The following STK36 variants were observed in gnomAD, a reference collection of about 807,000 sequenced individuals.
The protein encoded by STK36 is serine/threonine kinase 36.
STK36 carries 116 observed loss-of-function variants against 142.2 expected under a neutral mutation model. The observed-to-expected ratio is 0.82, with a 90% CI of 0.70 to 0.95. The LOEUF (loss-of-function observed/expected upper bound fraction) is 0.95. Among genes scored for constraint, STK36 ranks in the 40% least tolerant of loss-of-function variants. STK36 has a pLI of 0.00. For missense variants in STK36, 1,422 were observed against 1,617.2 expected, an observed-to-expected ratio of 0.88 and a Z score of 2.07; for synonymous variants, 619 against 641.7, an observed-to-expected ratio of 0.96 and a Z score of 0.53.
In STK36 at chr2:218,693,725, T is replaced by A; in HGVS notation, c.2151T>A (p.Val717=). 1.2e-6 allele frequency: 2 copies of A among 1,613,920 alleles called. No homozygotes were observed. The highest frequency in any genetic ancestry group is 1.7e-6 in the Non-Finnish European group (2 of 1,180,020). ...HPILCLHLLK[V]LYSCCLVSEG... is the part of the protein sequence containing the mutation. ...CAGACTCCTTCCTTCTCCCTCAGGT[T>A]CTATACTCCTGCTGCCTTGTCAGTG... The change falls in exon 18 of 27, where the codon GTT becomes GTA. Residue 717 remains valine (V), a splice_region_variant and synonymous_variant. Coordinates refer to ENST00000295709, the MANE Select transcript of STK36 (RefSeq NM_015690.5).
At chr2:218,675,289 G>T in intron 4 of STK36, 54 bp from the exon 5 acceptor site, 1 of 1,569,928 alleles carries the variant, frequency 6.4e-7, no homozygotes, top group Non-Finnish European at 8.7e-7. Flanking sequence ...GGGCTTGTCA[G>T]CCAGCTGCTG....
rs1941045780 is a variant in STK36 at position 218,692,512 on chromosome 2, G to A, written c.1916-71G>A. Reference sequence around the variant, plus strand: ...GTTCCCTACTCCTGCTGCCATGTCGGTGAGTACTGGTGCTATTGTCTAGGG... The same window carrying A: ...GTTCCCTACTCCTGCTGCCATGTCGATGAGTACTGGTGCTATTGTCTAGGG... On this transcript the variant is annotated intron_variant, in intron 15 of 26. Coordinates refer to ENST00000295709, the MANE Select transcript of STK36 (RefSeq NM_015690.5). The A allele has an allele frequency of 2.6e-6, 4 of 1,539,130 alleles. No individual in the cohort carries two copies. The South Asian group carries it at 3.8e-5, about 15-fold the overall frequency.
chr2:218,694,996 C>CT lies in STK36; in HGVS notation c.2511+362dup, dbSNP rs1165181371. On this transcript the variant is annotated intron_variant, in intron 21 of 26. Coordinates refer to ENST00000295709, the MANE Select transcript of STK36 (RefSeq NM_015690.5). This position sits in a 1 kb window ranked among gnomAD's most constrained non-coding sequence, Gnocchi z 4.4. Reference sequence around the variant, plus strand: ...TCCTTCCTAATGCATAATTTCACCTCTGACTGCAGCTTCCACTCTGCTTTC... The same window carrying CT: ...TCCTTCCTAATGCATAATTTCACCTCTTGACTGCAGCTTCCACTCTGCTTTC... Among the ~76,000 whole-genome samples the CT allele has an allele frequency of 6.6e-6, 1 of 152,172 alleles. No homozygotes were observed. Among genetic ancestry groups the CT allele is most frequent in the Non-Finnish European group, 1.5e-5 (1 of 68,026 alleles).
chr2:218,697,838 ACAT>A lies in STK36; in HGVS notation c.2910-15_2910-13del. On this transcript the variant is annotated splice_polypyrimidine_tract_variant and intron_variant, in intron 24 of 26. Coordinates refer to ENST00000295709, the MANE Select transcript of STK36 (RefSeq NM_015690.5). ...AAGTGAACAAGACCAAGTCTCTTCG[ACAT>A]TCCTCTCCTTAGGCCTCATGGGTCT... 6.2e-7 allele frequency: 1 copy of A among 1,614,134 alleles called. No individual in the cohort carries two copies. Among genetic ancestry groups the A allele is most frequent in the Non-Finnish European group, 8.5e-7 (1 of 1,179,998 alleles).
chr2:218,699,463 T>C, intron 26 of STK36, 115 bp downstream of exon 26: 1 of 1,447,950 alleles, frequency 6.9e-7, no homozygotes, highest in Non-Finnish European at 9.2e-7. Context: ...TTATGCCGTG[T>C]TTCTCCCAGG....
At chr2:218,677,155 A>G (rs1388780760) in intron 6 of STK36, among the ~76,000 whole-genome samples, 1 of 147,958 alleles carries the variant, frequency 6.8e-6, no homozygotes, top group East Asian at 2.0e-4. Context: ...CTGGTCTCGA[A>G]CTCCCAACCT....
chr2:218,677,867 T>G (rs1033402489), intron 6 of STK36, among the ~76,000 whole-genome samples: 15 of 152,220 alleles, frequency 9.9e-5, no homozygotes, highest in Non-Finnish European at 2.9e-5. Flanking sequence ...CTCGGCTCAC[T>G]GCAAGCTCCG....
At chr2:218,692,352 G>A (rs956128640) in intron 15 of STK36, 59 bp downstream of exon 15, 53 of 1,600,010 alleles carry the variant, frequency 3.3e-5, no homozygotes, top group South Asian at 1.1e-4. Context: ...GTCAGGCTCC[G>A]CTCTTTCTAT....
Position 218,697,093 on chromosome 2 carries a change from T to G in STK36, c.2641T>G (p.Leu881Val). Residue 881 changes from leucine to valine, a missense_variant, in exon 23 of 27, where the codon TTG becomes GTG. Transcript: ENST00000295709. ...DMSSSEMWTV[L>V]WHRFSMVLRL... ...GTCCAGTTCAGAAATGTGGACCGTT[T>G]TGTGGCACCGCTTCTCCATGGTCCT... The G allele has an allele frequency of 6.2e-7, 1 of 1,614,156 alleles. No homozygotes were observed.
At chr2:218,691,020 G>C (rs60580418) in intron 14 of STK36, among the ~76,000 whole-genome samples, 5,552 of 152,088 alleles carry the variant, frequency 0.037, 331 homozygotes, top group African/African-American at 0.13. Flanking sequence ...GCTTTAAGCA[G>C]TTTGGCATAT....
In STK36 at chr2:218,683,278, T is replaced by A. The variant is rs565771512; in HGVS notation, c.1237-1807T>A. Among the ~76,000 whole-genome samples the A allele has an allele frequency of 5.5e-3, 839 of 151,358 alleles. 14 individuals carry two copies. Among genetic ancestry groups the A allele is most frequent in the African/African-American group, 0.019 (794 of 41,256 alleles). On this transcript the variant is annotated intron_variant, in intron 10 of 26. Coordinates refer to ENST00000295709, the MANE Select transcript of STK36 (RefSeq NM_015690.5). ...TGTATGGCACCATGCCCAGCTATTTTTTTTTTTTTTTTTTAAGATGGAGTC... is the reference window on the plus strand; with the variant it reads ...TGTATGGCACCATGCCCAGCTATTTATTTTTTTTTTTTTTAAGATGGAGTC...
At chr2:218,677,463 G>A (rs952949416) in intron 6 of STK36, among the ~76,000 whole-genome samples, 5 of 152,194 alleles carry the variant, frequency 3.3e-5, no homozygotes, top group Admixed American at 2.0e-4. Context: ...CTTAATTCTG[G>A]GAGGGTGTTC....
chr2:218,690,230 T>TAAAG (rs564702580), intron 13 of STK36, among the ~76,000 whole-genome samples: 69 of 151,258 alleles, frequency 4.6e-4, no homozygotes, highest in Middle Eastern at 3.4e-3. Flanking sequence ...CCAATTGGAT[T>TAAAG]AAAGAAAGAA....
chr2:218,702,186 T>G lies in STK36; in HGVS notation c.*177T>G, dbSNP rs1941467521. 2.7e-6 allele frequency: 2 copies of G among 744,872 alleles called. No homozygotes were observed. Among genetic ancestry groups the G allele is most frequent in the East Asian group, 6.1e-5 (2 of 32,750 alleles). The allele number at this position is 744,872 out of a possible 1,614,324, so 46.1% of individuals were successfully genotyped here. On this transcript the variant is annotated 3_prime_UTR_variant, in exon 27 of 27. Transcript: ENST00000295709. ...TATAAAGCTTCTTCCTTCTCCCAGA[T>G]GCAGGATGTTTTCAACCAGTAAATT...
At chr2:218,693,400 G>C (rs1047093395) in intron 17 of STK36, 56 bp downstream of exon 17, 1 of 1,510,824 alleles carries the variant, frequency 6.6e-7, no homozygotes, top group African/African-American at 1.4e-5. Flanking sequence ...AGTGCAGACA[G>C]AGAAGCAGAG....
At chr2:218,673,000 C>T in intron 2 of STK36, 87 bp downstream of exon 2, 2 of 1,240,068 alleles carry the variant, frequency 1.6e-6, no homozygotes, top group Non-Finnish European at 2.4e-6. Context: ...TGTATTTATA[C>T]CAGTTTGTAT....
intron 26 of STK36, 107 bp downstream of exon 26, chr2:218,699,455 A>G: frequency 6.8e-7 from 1 of 1,466,846 alleles, no homozygotes; most frequent in Middle Eastern, 1.8e-4. Flanking sequence ...GGAGAAACTT[A>G]TGCCGTGTTT....
chr2:218,690,101 C>T, intron 13 of STK36, 145 bp downstream of exon 13: 1 of 768,202 alleles, frequency 1.3e-6, no homozygotes, highest in Non-Finnish European at 2.1e-6. Flanking sequence ...CACTCATAGT[C>T]CTTTTAAGGA....
At chr2:218,698,040 A>G in intron 25 of STK36, 39 bp downstream of exon 25, 1 of 1,613,004 alleles carries the variant, frequency 6.2e-7, no homozygotes, top group Non-Finnish European at 8.5e-7. Flanking sequence ...AGAGGAAGAT[A>G]GCCAACCTTG....
Sources: gnomAD v4.1 joint callset for allele counts (sites outside exome capture counted in the v4.1 genomes callset) on GRCh38, gnomAD v4.1.1 for gene constraint, Gnocchi (gnomAD v3.1) non-coding constraint, MANE v1.5 for transcripts, NCBI Gene and HGNC (gene_info 2026-07-23, HGNC 2026-07-21) for gene names.